Variants in RYR3 observed in about 807,000 individuals in gnomAD.
RYR3 encodes brain ryanodine receptor-calcium release channel.
A neutral mutation model predicts 584.3 loss-of-function variants in RYR3; 207 were observed. The ratio of observed to expected loss-of-function variants is 0.35; its 90% confidence interval spans 0.32 to 0.40. RYR3 has a LOEUF of 0.40. RYR3 is among the 10% of genes least tolerant of loss of function. RYR3 has a pLI of 1.00. For missense variants in RYR3, 5,616 were observed against 6,089.2 expected (o/e 0.92, Z 2.59); for synonymous variants, 2,416 against 2,248.5 (o/e 1.07, Z -2.11).
At chr15:33,696,129 T>C in intron 38 of RYR3, 89 bp from the exon 39 acceptor site, 1 of 1,253,922 alleles carries the variant, frequency 8.0e-7, no homozygotes, top group South Asian at 1.4e-5. Flanking sequence ...ACCAATGATG[T>C]GTCTTCTATT....
At chr15:33,340,846 C>T (rs550826149) in intron 1 of RYR3, among the ~76,000 whole-genome samples, 1 of 152,282 alleles carries the variant, frequency 6.6e-6, no homozygotes, top group East Asian at 1.9e-4. Context: ...TCATGGCCCA[C>T]CTATACCCTA....
At chr15:33,761,787 C>T (rs1484059520) in intron 60 of RYR3, among the ~76,000 whole-genome samples, 1 of 152,174 alleles carries the variant, frequency 6.6e-6, no homozygotes, top group South Asian at 2.1e-4. Flanking sequence ...CAAAACCTGG[C>T]AGAGACACAT....
At chr15:33,573,604 A>G (rs2058146775) in intron 12 of RYR3, among the ~76,000 whole-genome samples, 1 of 152,260 alleles carries the variant, frequency 6.6e-6, no homozygotes, top group East Asian at 1.9e-4. Context: ...AAGAGAGACA[A>G]CAAATAAATC....
At position 33,473,478 on chromosome 15, in the gene RYR3, C is replaced by T; in HGVS notation, c.111C>T (p.Cys37=). The stretch of plus-strand genomic sequence containing the variant: ...TTCATAAGGAGCAGAGGAAGTTCTG[C>T]CTGGCAGCCGAGGGACTTGGGAATC... The part of the protein sequence containing the change: ...ATIHKEQRKF[C]LAAEGLGNRL... The change falls in exon 2 of 104, where the codon TGC becomes TGT. Residue 37 remains cysteine, a synonymous_variant. Coordinates refer to ENST00000634891, the MANE Select transcript of RYR3 (RefSeq NM_001036.6). 6.2e-7 allele frequency: 1 copy of T among 1,613,866 alleles called. No homozygotes were observed. Among genetic ancestry groups the T allele is most frequent in the Non-Finnish European group, 8.5e-7 (1 of 1,179,842 alleles).
intron 38 of RYR3, among the ~76,000 whole-genome samples, chr15:33,674,099 C>T (rs538643669): frequency 4.6e-5 from 7 of 152,194 alleles, no homozygotes; most frequent in Admixed American, 3.3e-4. Flanking sequence ...AAAGTCCTTA[C>T]GTATGTTACC....
chr15:33,487,331 A>G (rs979766492), intron 2 of RYR3, among the ~76,000 whole-genome samples: 1 of 152,172 alleles, frequency 6.6e-6, no homozygotes, highest in African/African-American at 2.4e-5. Context: ...ATGAAAATAC[A>G]GAAGAGGAAA....
intron 1 of RYR3, among the ~76,000 whole-genome samples, chr15:33,336,501 AGAAGGAGG>A (rs1236824129): frequency 0.046 from 885 of 19,076 alleles, 279 homozygotes; most frequent in Non-Finnish European, 0.063. Flanking sequence ...AAAGAAAGAA[AGAAGGAGG>A]GAAGGAGGGA....
At chr15:33,801,158 G>A (rs575930874) in intron 68 of RYR3, among the ~76,000 whole-genome samples, 56 of 152,300 alleles carry the variant, frequency 3.7e-4, no homozygotes, top group Non-Finnish European at 7.2e-4. Flanking sequence ...ACAGGGGTAG[G>A]TAGTGGGCGT....
chr15:33,676,618 T>C (rs1293475782), intron 38 of RYR3, among the ~76,000 whole-genome samples: 9 of 150,994 alleles, frequency 6.0e-5, no homozygotes, highest in Admixed American at 5.9e-4. Context: ...AGAACTTTAC[T>C]TTTATTTAGC....
chr15:33,859,560 A>AT lies in RYR3; in HGVS notation c.14143-10dup, dbSNP rs2080116623. The stretch of plus-strand genomic sequence containing the variant: ...TGTGACTTTTGCCTAAATCCCCCTT[A>AT]TTTTTCTTCTCTAGTGTTACCTTTT... On this transcript the variant is annotated splice_polypyrimidine_tract_variant and intron_variant, in intron 99 of 103. Coordinates refer to ENST00000634891, the MANE Select transcript of RYR3 (RefSeq NM_001036.6). The AT allele has an allele frequency of 6.2e-7, 1 of 1,613,120 alleles. No individual in the cohort carries two copies. The highest frequency in any genetic ancestry group is 8.5e-7 in the Non-Finnish European group (1 of 1,179,514).
At chr15:33,336,457 AG>A (rs1567046524) in intron 1 of RYR3, among the ~76,000 whole-genome samples, 624 of 26,098 alleles carry the variant, frequency 0.024, 140 homozygotes, top group African/African-American at 0.14. Context: ...AGAGAGAGAG[AG>A]AGAGAGAGAG....
rs1168394141 is a variant in RYR3, at chr15:33,700,967, C to T, written c.6380-10C>T. The T allele has an allele frequency of 6.2e-7, 1 of 1,603,910 alleles. No individual in the cohort carries two copies. Among genetic ancestry groups the T allele is most frequent in the Admixed American group, 1.7e-5 (1 of 59,636 alleles). ...GTCCTTTTCTTGCTAATTCTCCCCTCCTCCCTCAGCCTCCCCGTCGATGAG... is the reference window on the plus strand; with the variant it reads ...GTCCTTTTCTTGCTAATTCTCCCCTTCTCCCTCAGCCTCCCCGTCGATGAG... On this transcript the variant is annotated splice_polypyrimidine_tract_variant and intron_variant, in intron 41 of 103. Transcript: ENST00000634891.
In RYR3 at chr15:33,464,503, T is replaced by TATATATATATATACAC. The variant is rs1180164194; in HGVS notation, c.52-8915_52-8914insTATATATATATACACA. ...ATATATATATATACACATATATATA[T>TATATATATATATACAC]ACATACACATACACATATATGTACA... On this transcript the variant is annotated intron_variant, in intron 1 of 103. Transcript: ENST00000634891. Among the ~76,000 whole-genome samples the TATATATATATATACAC allele has an allele frequency of 3.1e-4, 33 of 105,926 alleles. 2 individuals are homozygous for TATATATATATATACAC. The highest frequency in any genetic ancestry group is 3.0e-4 in the South Asian group (1 of 3,304). The allele number at this position is 105,926 out of a possible 152,430, so 69.5% of individuals were successfully genotyped here. A position where few individuals can be genotyped will look rare whatever the true frequency, so the allele number is the denominator to read the frequency against.
At chr15:33,723,832 A>G (rs937994022) in intron 44 of RYR3, among the ~76,000 whole-genome samples, 2 of 152,190 alleles carry the variant, frequency 1.3e-5, no homozygotes, top group Admixed American at 6.5e-5. Flanking sequence ...TCATGTCGGT[A>G]CTCATGCCTT....
chr15:33,750,230 G>A lies in RYR3; in HGVS notation c.8343G>A (p.Arg2781=). 2 of 1,610,066 alleles carry A rather than the reference G, an allele frequency of 1.2e-6. No homozygotes were observed. The highest frequency in any genetic ancestry group is 1.7e-6 in the Non-Finnish European group (2 of 1,178,222). ...TLTAKEKFKD[R]EKAQDLFKFL... ...CTGCCAAGGAAAAGTTCAAGGACCG[G>A]GAGAAGGCACAGGACCTGTTTAAGT... is the stretch of plus-strand genomic sequence containing the variant. The change falls in exon 57 of 104, where the codon CGG becomes CGA. Residue 2781 remains arginine, a synonymous_variant. Transcript: ENST00000634891.
At chr15:33,462,408 A>C (rs1049411712) in intron 1 of RYR3, among the ~76,000 whole-genome samples, 3 of 152,164 alleles carry the variant, frequency 2.0e-5, no homozygotes, top group African/African-American at 7.2e-5. Flanking sequence ...ACCCTGTATG[A>C]GGCGCTACAA....
intron 2 of RYR3, among the ~76,000 whole-genome samples, chr15:33,496,004 A>AC (rs956860068): frequency 3.3e-5 from 5 of 152,164 alleles, no homozygotes; most frequent in African/African-American, 1.2e-4. Context: ...AACTACACAC[A>AC]CCGTCTCCAC....
chr15:33,386,591 G>A (rs974037087), intron 1 of RYR3, among the ~76,000 whole-genome samples: 3 of 152,122 alleles, frequency 2.0e-5, no homozygotes, highest in Non-Finnish European at 1.5e-5. Context: ...GTTCAATATT[G>A]CTAAGTATAT....
intron 40 of RYR3, among the ~76,000 whole-genome samples, chr15:33,699,252 C>T (rs2066092483): frequency 8.3e-6 from 1 of 120,456 alleles, no homozygotes; most frequent in African/African-American, 3.0e-5. Flanking sequence ...CTCTCTCTCT[C>T]TCCCCCCCTT....
Sources: allele counts gnomAD v4.1 joint callset (sites outside exome capture counted in the v4.1 genomes callset), GRCh38; gene constraint gnomAD v4.1.1; transcripts MANE v1.5; gene names NCBI Gene and HGNC (gene_info 2026-07-23, HGNC 2026-07-21).